TBL3: variants seen among roughly 807,000 people sequenced by gnomAD.
The protein encoded by TBL3 is transducin beta-like protein 3.
Under a neutral mutation model 102.7 loss-of-function variants are expected in TBL3, and 71 were observed. The observed-to-expected ratio is 0.69, with a 90% CI of 0.57 to 0.84. TBL3 has a LOEUF of 0.84. Ranked by LOEUF, TBL3 falls within the 40% of genes least tolerant of loss-of-function variation. TBL3 has a pLI of 0.00. For synonymous variants in TBL3, 578 were observed against 477.7 expected, an observed-to-expected ratio of 1.21 and a Z score of -2.74; for missense variants, 1,188 against 1,098.5, an observed-to-expected ratio of 1.08 and a Z score of -1.15.
intron 18 of TBL3, 36 bp downstream of exon 18, chr16:1,977,836 G>C: frequency 6.4e-7 from 1 of 1,565,426 alleles, no homozygotes; most frequent in Non-Finnish European, 8.7e-7. Flanking sequence ...CCCCGCATCA[G>C]CCCTGCTCTG....
In TBL3 at chr16:1,980,503, G is replaced by T. The variant is rs762995124; in HGVS notation, c.*1818G>T. On this transcript the variant is annotated 3_prime_UTR_variant, in exon 22 of 22. Transcript: ENST00000568546. ...GTTTCCAACAGCTGCAGGCGCGCCA[G>T]GCCGCGGCTCGTGCGCCCCACGCGT... The T allele has an allele frequency of 2.5e-6, 4 of 1,603,330 alleles. No individual in the cohort carries two copies. The South Asian group carries it at 4.4e-5, about 18-fold the overall frequency.
Position 1,979,298 on chromosome 16 carries a change from C to A in TBL3, c.*613C>A. On this transcript the variant is annotated 3_prime_UTR_variant, in exon 22 of 22. Coordinates refer to ENST00000568546, the MANE Select transcript of TBL3 (RefSeq NM_006453.3). ...CCGTCCCGCTCAGGAGAGCGCCCAG[C>A]CCTTCCGGCCGCAGCAGCACCGCGG... The A allele has an allele frequency of 6.4e-7, 1 of 1,564,718 alleles. No individual in the cohort carries two copies. The highest frequency in any genetic ancestry group is 8.6e-7 in the Non-Finnish European group (1 of 1,162,932).
At chr16:1,978,111 C>G in intron 19 of TBL3, 38 bp from the exon 20 acceptor site, 3 of 1,610,916 alleles carry the variant, frequency 1.9e-6, no homozygotes, top group Non-Finnish European at 2.5e-6. Flanking sequence ...GACCACTGGG[C>G]TCTGCTTTCC....
In TBL3 at chr16:1,979,128, A is replaced by T; in HGVS notation, c.*443A>T. ...GCCCTGGCGCCGTGGGCGCCGCTCC[A>T]GGGCCCTGCGTGTGACGGTGCAGCA... On this transcript the variant is annotated 3_prime_UTR_variant, in exon 22 of 22. Coordinates refer to ENST00000568546, the MANE Select transcript of TBL3 (RefSeq NM_006453.3). 6.9e-7 allele frequency: 1 copy of T among 1,455,156 alleles called. No homozygotes were observed. Among genetic ancestry groups the T allele is most frequent in the Non-Finnish European group, 9.0e-7 (1 of 1,114,156 alleles). The allele number at this position is 1,455,156 out of a possible 1,614,324, so 90.1% of individuals were successfully genotyped here.
rs1460528692 is a variant in TBL3, at chr16:1,979,570, C to T, written c.*885C>T. Reference sequence around the variant, plus strand: ...GGTGGGAGTGGGTGTTTGGAGTCACCGCGGGGCCACAGAGGACGAGGCCCG... The same window carrying T: ...GGTGGGAGTGGGTGTTTGGAGTCACTGCGGGGCCACAGAGGACGAGGCCCG... On this transcript the variant is annotated 3_prime_UTR_variant, in exon 22 of 22. Coordinates refer to ENST00000568546, the MANE Select transcript of TBL3 (RefSeq NM_006453.3). 5.1e-6 allele frequency: 8 copies of T among 1,571,970 alleles called. No homozygotes were observed. Among genetic ancestry groups the T allele is most frequent in the Non-Finnish European group, 7.0e-6 (8 of 1,148,352 alleles).
rs754352176 is a variant in TBL3, at chr16:1,978,955, G to C, written c.*270G>C. 1 of 1,250,280 alleles carries C rather than the reference G, an allele frequency of 8.0e-7. No individual in the cohort carries two copies. 77.4% of individuals were successfully genotyped at this position (1,250,280 alleles called of 1,614,324 possible). A position where few individuals can be genotyped will look rare whatever the true frequency, so the allele number is the denominator to read the frequency against. On this transcript the variant is annotated 3_prime_UTR_variant, in exon 22 of 22. Transcript: ENST00000568546. ...GCTTTACTCAGAGGAACAGCAAATG[G>C]CCCCCTCCCATCCCTGCTGGCCAGG...
At position 1,982,601 on chromosome 16, in the gene TBL3, C is replaced by G. The variant is rs1436999862; in HGVS notation, c.*3916C>G. ...CTGAATAGTACACCCCACCCTCCAT[C>G]TGTATGCTCCTCACTTGCCCCTACA... On this transcript the variant is annotated 3_prime_UTR_variant, in exon 22 of 22. Coordinates refer to ENST00000568546, the MANE Select transcript of TBL3 (RefSeq NM_006453.3). The G allele has an allele frequency of 1.3e-5, 2 of 152,364 alleles. No homozygotes were observed. The highest frequency in any genetic ancestry group is 2.9e-5 in the Non-Finnish European group (2 of 68,148). The allele number at this position is 152,364 out of a possible 1,614,324, so 9.4% of individuals were successfully genotyped here. A position where few individuals can be genotyped will look rare whatever the true frequency, so the allele number is the denominator to read the frequency against.
chr16:1,977,461 G>C (rs774982277), intron 16 of TBL3, 35 bp downstream of exon 16: 1 of 1,609,206 alleles, frequency 6.2e-7, no homozygotes, highest in Non-Finnish European at 8.5e-7. Context: ...GATGGAGTGG[G>C]GGGTGGCGGG....
intron 19 of TBL3, 42 bp from the exon 20 acceptor site, chr16:1,978,107 T>G: frequency 6.2e-7 from 1 of 1,610,882 alleles, no homozygotes; most frequent in Non-Finnish European, 8.5e-7. Context: ...TTCGGACCAC[T>G]GGGCTCTGCT....
Position 1,977,285 on chromosome 16 carries a change from G to T in TBL3, c.1671+1G>T, listed in dbSNP as rs760101499. ...ACTCCAGGACTTCAGCTGTCTCAAG[G>T]TAAGTGGCGCTCCAGACCCTCCCCA... On this transcript the variant is annotated splice_donor_variant, in intron 15 of 21. Transcript: ENST00000568546. LOFTEE classifies it high-confidence loss of function. 1 of 1,613,354 alleles carries T rather than the reference G, an allele frequency of 6.2e-7. No individual in the cohort carries two copies. Among genetic ancestry groups the T allele is most frequent in the South Asian group, 1.1e-5 (1 of 91,080 alleles).
Position 1,978,856 on chromosome 16 carries a change from A to C in TBL3, c.*171A>C. 9.0e-7 allele frequency: 1 copy of C among 1,112,068 alleles called. No homozygotes were observed. Among genetic ancestry groups the C allele is most frequent in the Non-Finnish European group, 1.3e-6 (1 of 789,706 alleles). 68.9% of individuals were successfully genotyped at this position (1,112,068 alleles called of 1,614,324 possible). A position where few individuals can be genotyped will look rare whatever the true frequency, so the allele number is the denominator to read the frequency against. On this transcript the variant is annotated 3_prime_UTR_variant, in exon 22 of 22. Transcript: ENST00000568546. ...TGATGGTCTCGGCCCTGCCACGCCC[A>C]TCCCGCACCCTGGCCTGGCAGAGAT...
At position 1,981,045 on chromosome 16, in the gene TBL3, C is replaced by T. The variant is rs764095061; in HGVS notation, c.*2360C>T. ...CTGGGGGACAAAAAGTTGGGAGTGCCGTGGAGGTGCTGGTCCAGGCACCCC... is the reference window on the plus strand; with the variant it reads ...CTGGGGGACAAAAAGTTGGGAGTGCTGTGGAGGTGCTGGTCCAGGCACCCC... On this transcript the variant is annotated 3_prime_UTR_variant, in exon 22 of 22. Transcript: ENST00000568546. The T allele has an allele frequency of 2.5e-6, 4 of 1,612,314 alleles. No individual in the cohort carries two copies. Among genetic ancestry groups the T allele is most frequent in the Non-Finnish European group, 2.5e-6 (3 of 1,179,044 alleles).
Position 1,981,206 on chromosome 16 carries a change from C to G in TBL3, c.*2521C>G. ...GCTGTGGCTTCCAGGCTGCAGATTC[C>G]TGAAATGGGCGAGGACCCTTCTGCC... On this transcript the variant is annotated 3_prime_UTR_variant, in exon 22 of 22. Coordinates refer to ENST00000568546, the MANE Select transcript of TBL3 (RefSeq NM_006453.3). 1 of 1,613,220 alleles carries G rather than the reference C, an allele frequency of 6.2e-7. No individual in the cohort carries two copies. The highest frequency in any genetic ancestry group is 8.5e-7 in the Non-Finnish European group (1 of 1,179,964).
In TBL3 at chr16:1,981,452, C is replaced by T. The variant is rs886726310; in HGVS notation, c.*2767C>T. 6.7e-6 allele frequency: 5 copies of T among 751,130 alleles called. No individual in the cohort carries two copies. Among genetic ancestry groups the T allele is most frequent in the Admixed American group, 3.2e-5 (1 of 31,696 alleles). The allele number at this position is 751,130 out of a possible 1,614,324, so 46.5% of individuals were successfully genotyped here. A position where few individuals can be genotyped will look rare whatever the true frequency, so the allele number is the denominator to read the frequency against. ...AAGAAGAAGAATGAGCTTTCCAGCC[C>T]TGGAGGCGTGCAAGACTGAAGAAGG... On this transcript the variant is annotated 3_prime_UTR_variant, in exon 22 of 22. Coordinates refer to ENST00000568546, the MANE Select transcript of TBL3 (RefSeq NM_006453.3).
Position 1,979,469 on chromosome 16 carries a change from G to GCGCGCCCC in TBL3, c.*789_*796dup, listed in dbSNP as rs769716696. The GCGCGCCCC allele has an allele frequency of 3.6e-5, 58 of 1,611,584 alleles. 1 individual carries two copies. The South Asian group carries it at 5.4e-4, about 15-fold the overall frequency. Reference sequence around the variant, plus strand: ...GGTCTGACGTTTCCAACACGCGCACGCGCGCCCCCGCGGGCACGGACAGCT... The same window carrying GCGCGCCCC: ...GGTCTGACGTTTCCAACACGCGCACGCGCGCCCCCGCGCCCCCGCGGGCACGGACAGCT... On this transcript the variant is annotated 3_prime_UTR_variant, in exon 22 of 22. Transcript: ENST00000568546.
chr16:1,978,784 C>T lies in TBL3; in HGVS notation c.*99C>T, dbSNP rs1201997158. ...TCTCTCTGGACTGCAGTCCAGCCCC[C>T]CACCCTGGCCAACACCCTACCTAGC... On this transcript the variant is annotated 3_prime_UTR_variant, in exon 22 of 22. Transcript: ENST00000568546. 6.2e-6 allele frequency: 9 copies of T among 1,442,272 alleles called. No homozygotes were observed. Among genetic ancestry groups the T allele is most frequent in the Non-Finnish European group, 8.5e-6 (9 of 1,064,366 alleles). 89.3% of individuals were successfully genotyped at this position (1,442,272 alleles called of 1,614,324 possible).
rs140930086 is a variant in TBL3 at position 1,975,688 on chromosome 16, G to A, written c.965G>A (p.Arg322His). The change falls in exon 10 of 22, where the codon CGC (arginine) becomes CAC (histidine). Residue 322 changes from arginine (R) to histidine (H), a missense_variant. Coordinates refer to ENST00000568546, the MANE Select transcript of TBL3 (RefSeq NM_006453.3). ...ADHNLLLYEA[R>H]SLRLQKQFAG... ...CACAACCTGTTGCTCTACGAGGCTCGCTCCCTGCGGCTGCAGAAACAGGTG... is the reference window on the plus strand; with the variant it reads ...CACAACCTGTTGCTCTACGAGGCTCACTCCCTGCGGCTGCAGAAACAGGTG... 271 of 1,611,110 alleles carry A rather than the reference G, an allele frequency of 1.7e-4. 3 individuals are homozygous for A. In the East Asian group the frequency reaches 4.6e-3, roughly 27 times the overall value.
chr16:1,978,643 C>T lies in TBL3; in HGVS notation c.2385C>T (p.Ala795=), dbSNP rs770805958. The T allele has an allele frequency of 3.3e-5, 54 of 1,612,620 alleles. 3 individuals carry two copies. The South Asian group carries it at 5.2e-4, about 15-fold the overall frequency. The change falls in exon 22 of 22, where the codon GCC becomes GCT. Residue 795 remains alanine, a synonymous_variant. Coordinates refer to ENST00000568546, the MANE Select transcript of TBL3 (RefSeq NM_006453.3). ...ACATGAAGCTCCCTGTGCCGGCCGC[C>T]GCCCCCACCCCCTGGGAAACCCATA... ...WHNMKLPVPA[A]APTPWETHKG...
Position 1,976,937 on chromosome 16 carries a change from G to T in TBL3, c.1416G>T (p.Gln472His). ...ACGGCCCTATCCTCCTGCAGGCCCA[G>T]ACCACTCAGCGCTGCCATGATAAGG... is the stretch of plus-strand genomic sequence containing the variant. Reference protein sequence around the residue: ...PDNGPILLQAQTTQRCHDKDI... With the variant: ...PDNGPILLQAHTTQRCHDKDI... Residue 472 changes from glutamine (Q) to histidine (H), a missense_variant, in exon 14 of 22, where the codon CAG (glutamine) becomes CAT (histidine). Transcript: ENST00000568546. 1 of 1,613,940 alleles carries T rather than the reference G, an allele frequency of 6.2e-7. No homozygotes were observed. The highest frequency in any genetic ancestry group is 8.5e-7 in the Non-Finnish European group (1 of 1,180,020).
Sources: allele counts gnomAD v4.1 joint callset, GRCh38; gene constraint gnomAD v4.1.1; transcripts MANE v1.5; gene names NCBI Gene and HGNC (gene_info 2026-07-23, HGNC 2026-07-21).